RBM23: variants seen among roughly 807,000 people sequenced by gnomAD.
The protein encoded by RBM23 is RNA binding motif protein 23.
A neutral mutation model predicts 56.2 loss-of-function variants in RBM23; 53 were observed. That is an observed-to-expected ratio of 0.94 (90% confidence interval 0.76 to 1.19). RBM23 has a LOEUF of 1.19. Ranked by LOEUF, RBM23 falls within the 50% of genes most tolerant of loss-of-function variation. The pLI is 0.00. For synonymous variants in RBM23, 197 were observed against 198.5 expected, an observed-to-expected ratio of 0.99 and a Z score of 0.06; for missense variants, 642 against 590.3, an observed-to-expected ratio of 1.09 and a Z score of -0.91.
chr14:22,912,356 T>C (rs779625984), intron 1 of RBM23, among the ~76,000 whole-genome samples: 16 of 152,132 alleles, frequency 1.1e-4, no homozygotes, highest in Non-Finnish European at 1.9e-4. Flanking sequence ...TTCTAACCAA[T>C]ACCAACTACA....
At chr14:22,906,078 G>C in intron 5 of RBM23, 117 bp downstream of exon 5, 1 of 1,233,434 alleles carries the variant, frequency 8.1e-7, no homozygotes, top group Non-Finnish European at 1.1e-6. Flanking sequence ...TTCTGTGCCT[G>C]AGTATCCTGC....
At position 22,902,012 on chromosome 14, in the gene RBM23, G is replaced by A. The variant is rs2040593086; in HGVS notation, c.1214C>T (p.Pro405Leu). The change falls in exon 12 of 14, where the codon CCC (proline) becomes CTC (leucine). Residue 405 changes from proline to leucine, a missense_variant. Pro to Leu is a moderately conservative substitution (Grantham distance 98). Transcript: ENST00000359890. The part of the protein sequence containing the change: ...AAALQLNGAV[P>L]LGALNPAALT... The stretch of plus-strand genomic sequence containing the variant: ...AGCTGCTGGATTCAGGGCCCCCAAG[G>A]GAACTGCTCCATTCAGTTGCAAGGC... 1 of 1,612,102 alleles carries A rather than the reference G, an allele frequency of 6.2e-7. No homozygotes were observed. The highest frequency in any genetic ancestry group is 1.3e-5 in the African/African-American group (1 of 74,872).
rs369252018 is a variant in RBM23, at chr14:22,909,586, G to C, written c.76C>G (p.Gln26Glu). ...TAATCCTTTTTAACTTCTTTCCTTT[G>C]TTGCTCATCCTGAGGCATTCACCAG... ...APYKKEEDEQ[Q>E]RKEVKKDYPS... The change falls in exon 3 of 14, where the codon CAA (glutamine) becomes GAA (glutamate). Residue 26 changes from glutamine to glutamate, a missense_variant. By Grantham distance (29) the Gln-to-Glu change is conservative. Transcript: ENST00000359890. 8.7e-6 allele frequency: 14 copies of C among 1,613,078 alleles called. No homozygotes were observed. Among genetic ancestry groups the C allele is most frequent in the South Asian group, 4.4e-5 (4 of 91,054 alleles).
At chr14:22,905,041 T>C in intron 8 of RBM23, 29 bp from the exon 9 acceptor site, 1 of 1,614,062 alleles carries the variant, frequency 6.2e-7, no homozygotes, top group Non-Finnish European at 8.5e-7. Flanking sequence ...ATGGGTCATG[T>C]CCCACATTCC....
rs1338329258 is a variant in RBM23 at position 22,905,191 on chromosome 14, G to C, written c.629C>G (p.Ala210Gly). Residue 210 changes from alanine to glycine, a missense_variant, in exon 8 of 14, where the codon GCC becomes GGC. By Grantham distance (60) the Ala-to-Gly change is moderately conservative. Coordinates refer to ENST00000359890, the MANE Select transcript of RBM23 (RefSeq NM_001077351.2). ...DRNSRRSKGI[A>G]YVEFCEIQSV... The stretch of plus-strand genomic sequence containing the variant: ...CTGGATTTCACAGAATTCCACGTAG[G>C]CAATGCCCTTAGAACGACGTGAGTT... 1.9e-6 allele frequency: 3 copies of C among 1,614,046 alleles called. No individual in the cohort carries two copies. Among genetic ancestry groups the C allele is most frequent in the African/African-American group, 1.3e-5 (1 of 74,908 alleles).
At chr14:22,905,582 A>G (rs750199191) in intron 6 of RBM23, 24 bp downstream of exon 6, 2 of 1,607,450 alleles carry the variant, frequency 1.2e-6, no homozygotes, top group African/African-American at 1.3e-5. Flanking sequence ...ACAATCCCTA[A>G]AACAGTGTTC....
chr14:22,910,632 G>A (rs35382404), intron 2 of RBM23, among the ~76,000 whole-genome samples: 69,884 of 151,644 alleles, frequency 0.46, 19,731 homozygotes, highest in East Asian at 0.79. Context: ...CAGCACTTTG[G>A]GAGGCCAAGG....
Position 22,896,465 on chromosome 14 carries a change from T to C in RBM23, c.*5265A>G, listed in dbSNP as rs972427830. Reference sequence around the variant, plus strand: ...GGCTTCCTGATGCCTGAAAGCTGACTGAAACTCCCATCCTTTCTGGAACAT... The same window carrying C: ...GGCTTCCTGATGCCTGAAAGCTGACCGAAACTCCCATCCTTTCTGGAACAT... On this transcript the variant is annotated 3_prime_UTR_variant, in exon 14 of 14. Coordinates refer to ENST00000359890, the MANE Select transcript of RBM23 (RefSeq NM_001077351.2). 1.3e-5 allele frequency: 2 copies of C among 152,226 alleles called. No individual in the cohort carries two copies. Among genetic ancestry groups the C allele is most frequent in the Admixed American group, 6.5e-5 (1 of 15,282 alleles). The allele number at this position is 152,226 out of a possible 1,614,324, so 9.4% of individuals were successfully genotyped here.
chr14:22,912,783 C>T (rs1167753801), intron 1 of RBM23, among the ~76,000 whole-genome samples: 5 of 146,960 alleles, frequency 3.4e-5, no homozygotes, highest in African/African-American at 7.5e-5. Context: ...AGGTCAACGA[C>T]GAGGTCAACA....
intron 3 of RBM23, among the ~76,000 whole-genome samples, chr14:22,908,987 G>A (rs2042030314): frequency 6.6e-6 from 1 of 150,642 alleles, no homozygotes; most frequent in Non-Finnish European, 1.5e-5. Context: ...CTGTTTCCCA[G>A]GCTGGAGTGC....
intron 10 of RBM23, 33 bp downstream of exon 10, chr14:22,904,228 T>C (rs753344221): frequency 6.8e-6 from 11 of 1,613,668 alleles, no homozygotes; most frequent in Non-Finnish European, 9.3e-6. Context: ...AAACCCAAAG[T>C]AAAATAAAAA....
At chr14:22,902,527 G>A in intron 10 of RBM23, 145 bp from the exon 11 acceptor site, 1 of 1,397,586 alleles carries the variant, frequency 7.2e-7, no homozygotes, top group South Asian at 1.9e-5. Flanking sequence ...ATATGACCTA[G>A]GCCCATCACC....
At chr14:22,912,340 A>G (rs574020362) in intron 1 of RBM23, among the ~76,000 whole-genome samples, 1 of 152,302 alleles carries the variant, frequency 6.6e-6, no homozygotes, top group Non-Finnish European at 1.5e-5. Context: ...CTTATCCCTG[A>G]GCATTTTCTA....
At chr14:22,909,340 A>G in intron 3 of RBM23, 143 bp downstream of exon 3, 1 of 706,868 alleles carries the variant, frequency 1.4e-6, no homozygotes, top group Non-Finnish European at 2.5e-6. Context: ...TCAAGTCACC[A>G]TTATTCTCAT....
intron 3 of RBM23, among the ~76,000 whole-genome samples, chr14:22,909,006 G>A (rs371770869): frequency 2.0e-5 from 3 of 149,784 alleles, no homozygotes; most frequent in South Asian, 2.1e-4. Context: ...GCGATGGTGC[G>A]ACCTCGGCTC....
At chr14:22,904,774 G>T in intron 9 of RBM23, 101 bp downstream of exon 9, 1 of 1,528,106 alleles carries the variant, frequency 6.5e-7, no homozygotes, top group Non-Finnish European at 8.9e-7. Context: ...GACGTATGCA[G>T]CAGGTTAATC....
chr14:22,911,424 T>C (rs749791691), intron 1 of RBM23, 21 bp from the exon 2 acceptor site: 9 of 1,582,984 alleles, frequency 5.7e-6, no homozygotes, highest in South Asian at 1.1e-5. Context: ...GATATTAATA[T>C]GTAAGAATCT....
Position 22,901,593 on chromosome 14 carries a change from G to T in RBM23, c.*137C>A. On this transcript the variant is annotated 3_prime_UTR_variant, in exon 14 of 14. Transcript: ENST00000359890. ...AGCTTTTCTTGGTATCTTAAGGGTG[G>T]CCCCAATTTCCTCAGAGACAATGTC... 1 of 1,287,798 alleles carries T rather than the reference G, an allele frequency of 7.8e-7. No individual in the cohort carries two copies. Among genetic ancestry groups the T allele is most frequent in the Non-Finnish European group, 1.1e-6 (1 of 906,946 alleles). The allele number at this position is 1,287,798 out of a possible 1,614,324, so 79.8% of individuals were successfully genotyped here.
Position 22,905,074 on chromosome 14 carries a change from CTGTT to C in RBM23, c.726+16_726+19del, listed in dbSNP as rs779268047. On this transcript the variant is annotated intron_variant, in intron 8 of 13. Coordinates refer to ENST00000359890, the MANE Select transcript of RBM23 (RefSeq NM_001077351.2). ...TCCCTCTCCCCTTAAAATCTTATGT[CTGTT>C]TCTCAGCCTGCTCACCTGTGAAGCC... 1.9e-6 allele frequency: 3 copies of C among 1,613,960 alleles called. No individual in the cohort carries two copies. Among genetic ancestry groups the C allele is most frequent in the Non-Finnish European group, 2.5e-6 (3 of 1,179,860 alleles).
Sources: gnomAD v4.1 joint callset for allele counts (sites outside exome capture counted in the v4.1 genomes callset) on GRCh38, gnomAD v4.1.1 for gene constraint, MANE v1.5 for transcripts, NCBI Gene and HGNC (gene_info 2026-07-23, HGNC 2026-07-21) for gene names.